The following TSC22D2 variants were observed in gnomAD, a reference collection of about 807,000 sequenced individuals.
TSC22D2 encodes TSC22 domain family member 2, also known as TSC22 domain family protein 2.
TSC22D2 carries 5 observed loss-of-function variants against 50.1 expected under a neutral mutation model. The ratio of observed to expected loss-of-function variants is 0.10; its 90% CI spans 0.05 to 0.21. The LOEUF is 0.21. Among genes scored for constraint, TSC22D2 ranks in the 10% least tolerant of loss-of-function variants. The pLI is 1.00. For missense variants in TSC22D2, 1,003 were observed against 1,015.5 expected (o/e 0.99, Z 0.17); for synonymous variants, 501 against 450.1 (o/e 1.11, Z -1.43).
At chr3:150,431,907 AAT>A (rs1030411666) in intron 1 of TSC22D2, among the ~76,000 whole-genome samples, 5 of 152,158 alleles carry the variant, frequency 3.3e-5, no homozygotes, top group African/African-American at 7.2e-5. Context: ...AGTTGGAAAA[AAT>A]AGTGTAATTT....
rs982964595 is a variant in TSC22D2 at position 150,463,737 on chromosome 3, C to T, written c.*5101C>T. 2.6e-5 allele frequency: 4 copies of T among 152,154 alleles called. No individual in the cohort carries two copies. The highest frequency in any genetic ancestry group is 2.0e-4 in the Admixed American group (3 of 15,274). 9.4% of individuals were successfully genotyped at this position (152,154 alleles called of 1,614,324 possible). The stretch of plus-strand genomic sequence containing the variant: ...CAGACATTCTTGCTTGCCCACCACC[C>T]CCCCGAACCCCGCCATGGAATCATC... On this transcript the variant is annotated 3_prime_UTR_variant, in exon 3 of 3. Transcript: ENST00000688009.
Position 150,410,084 on chromosome 3 carries a change from C to A in TSC22D2, c.734C>A (p.Ser245Tyr), listed in dbSNP as rs1719460601. ...AHGPESGTDS[S>Y]LTAVSQLPPS... ...GGGCCCGAGTCGGGAACTGACAGCT[C>A]CTTGACTGCTGTGTCACAGCTACCC... The change falls in exon 1 of 3, where the codon TCC (serine) becomes TAC (tyrosine). Residue 245 changes from serine to tyrosine, a missense_variant. Physicochemically the swap from Ser to Tyr is moderately radical, Grantham distance 144. Transcript: ENST00000688009. 1.2e-6 allele frequency: 2 copies of A among 1,612,850 alleles called. No homozygotes were observed. The highest frequency in any genetic ancestry group is 2.7e-5 in the African/African-American group (2 of 74,940).
rs1217653732 is a variant in TSC22D2, at chr3:150,461,756, CTG to C, written c.*3121_*3122del. 1 of 151,908 alleles carries C rather than the reference CTG, an allele frequency of 6.6e-6. No individual in the cohort carries two copies. Among genetic ancestry groups the C allele is most frequent in the Non-Finnish European group, 1.5e-5 (1 of 67,986 alleles). 9.4% of individuals were successfully genotyped at this position (151,908 alleles called of 1,614,324 possible). ...CGTTTTATAATCAAGCCTCCAGTGA[CTG>C]GGGATCACAGCTGCCATTATTCACA... On this transcript the variant is annotated 3_prime_UTR_variant, in exon 3 of 3. Transcript: ENST00000688009.
At chr3:150,424,795 A>G (rs950690748) in intron 1 of TSC22D2, among the ~76,000 whole-genome samples, 2 of 152,214 alleles carry the variant, frequency 1.3e-5, no homozygotes, top group Non-Finnish European at 2.9e-5. Context: ...ATATAATAAA[A>G]TCAAAATATA....
chr3:150,445,510 T>G (rs143895410), intron 1 of TSC22D2, among the ~76,000 whole-genome samples: 1 of 152,194 alleles, frequency 6.6e-6, no homozygotes, highest in African/African-American at 2.4e-5. Context: ...TAAAACCTGT[T>G]TCTTAATACT....
intron 1 of TSC22D2, among the ~76,000 whole-genome samples, chr3:150,426,750 A>G (rs1720204783): frequency 6.6e-6 from 1 of 152,176 alleles, no homozygotes; most frequent in South Asian, 2.1e-4. Context: ...AGAAGTTAAT[A>G]AGGAAAGTAG....
intron 1 of TSC22D2, among the ~76,000 whole-genome samples, chr3:150,453,733 A>G (rs977509122): frequency 1.3e-5 from 2 of 152,252 alleles, no homozygotes; most frequent in African/African-American, 4.8e-5. Context: ...CCTTCCTCAT[A>G]TGAACCATTA....
intron 1 of TSC22D2, 192 bp from the exon 2 acceptor site, chr3:150,456,884 A>T: frequency 1.7e-6 from 1 of 573,146 alleles, no homozygotes; most frequent in South Asian, 2.2e-5. Context: ...GACCTGTAGA[A>T]ATCATCTATT....
At chr3:150,435,813 C>T (rs993869736) in intron 1 of TSC22D2, among the ~76,000 whole-genome samples, 1 of 152,062 alleles carries the variant, frequency 6.6e-6, no homozygotes, top group Non-Finnish European at 1.5e-5. Flanking sequence ...AATATAGTTT[C>T]ACCTTCTCAC....
intron 1 of TSC22D2, among the ~76,000 whole-genome samples, chr3:150,429,803 AT>A (rs1400565758): frequency 1.3e-5 from 2 of 152,138 alleles, no homozygotes; most frequent in Non-Finnish European, 1.5e-5. Context: ...TTTGTCCCCA[AT>A]TATAGTTACT....
intron 1 of TSC22D2, among the ~76,000 whole-genome samples, chr3:150,440,671 A>ATTC (rs1720686112): frequency 1.9e-5 from 1 of 52,644 alleles, no homozygotes; most frequent in Non-Finnish European, 3.6e-5. Flanking sequence ...GTTGCGAATA[A>ATTC]TTCTGAGAAA....
At chr3:150,457,948 AT>A (rs962370145) in intron 2 of TSC22D2, among the ~76,000 whole-genome samples, 16 of 152,160 alleles carry the variant, frequency 1.1e-4, no homozygotes, top group African/African-American at 3.9e-4. Context: ...GTCTCAAACT[AT>A]TTTTTTAAAA....
At position 150,464,899 on chromosome 3, in the gene TSC22D2, G is replaced by A. The variant is rs1228765928; in HGVS notation, c.*6263G>A. The A allele has an allele frequency of 6.6e-6, 1 of 152,148 alleles. No homozygotes were observed. The highest frequency in any genetic ancestry group is 6.5e-5 in the Admixed American group (1 of 15,272). The allele number at this position is 152,148 out of a possible 1,614,324, so 9.4% of individuals were successfully genotyped here. On this transcript the variant is annotated 3_prime_UTR_variant, in exon 3 of 3. Transcript: ENST00000688009. ...AAGTTAACTAGAATAGGATTCATGTGTCATGAATTATATTGTCTATTGTCT... is the reference window on the plus strand; with the variant it reads ...AAGTTAACTAGAATAGGATTCATGTATCATGAATTATATTGTCTATTGTCT...
At chr3:150,446,874 G>A (rs1159971101) in intron 1 of TSC22D2, among the ~76,000 whole-genome samples, 1 of 152,152 alleles carries the variant, frequency 6.6e-6, no homozygotes, top group African/African-American at 2.4e-5. Flanking sequence ...TTCTAGTCAC[G>A]AAATCCCAGT....
At chr3:150,432,069 G>A (rs1720399225) in intron 1 of TSC22D2, among the ~76,000 whole-genome samples, 1 of 152,062 alleles carries the variant, frequency 6.6e-6, no homozygotes, top group African/African-American at 2.4e-5. Flanking sequence ...CTCATTATTC[G>A]AAGTGGTGTT....
intron 1 of TSC22D2, among the ~76,000 whole-genome samples, chr3:150,412,663 C>G (rs1365526664): frequency 6.6e-6 from 1 of 152,078 alleles, no homozygotes; most frequent in African/African-American, 2.4e-5. Flanking sequence ...TTAGAGAATA[C>G]CACGTGTCCA....
At position 150,410,339 on chromosome 3, in the gene TSC22D2, C is replaced by T. The variant is rs1234177643; in HGVS notation, c.989C>T (p.Thr330Ile). ...GGQTLPPTNV[T>I]LAQPAMSLPP... Reference sequence around the variant, plus strand: ...CAGACTCTGCCGCCGACGAATGTAACCCTGGCGCAGCCGGCTATGTCCCTG... The same window carrying T: ...CAGACTCTGCCGCCGACGAATGTAATCCTGGCGCAGCCGGCTATGTCCCTG... Residue 330 changes from threonine to isoleucine, a missense_variant, in exon 1 of 3, where the codon ACC (threonine) becomes ATC (isoleucine). Coordinates refer to ENST00000688009, the MANE Select transcript of TSC22D2 (RefSeq NM_001303264.2). The T allele has an allele frequency of 1.9e-6, 3 of 1,591,106 alleles. No individual in the cohort carries two copies. Among genetic ancestry groups the T allele is most frequent in the African/African-American group, 1.3e-5 (1 of 74,318 alleles).
chr3:150,417,161 A>G (rs75150613), intron 1 of TSC22D2, among the ~76,000 whole-genome samples: 14,114 of 152,158 alleles, frequency 0.093, 862 homozygotes, highest in South Asian at 0.29. Flanking sequence ...AATTTGTCTA[A>G]AGAATATTGC....
intron 1 of TSC22D2, among the ~76,000 whole-genome samples, chr3:150,450,851 G>C (rs979503662): frequency 2.0e-5 from 3 of 152,032 alleles, no homozygotes; most frequent in African/African-American, 4.8e-5. Flanking sequence ...GCATTTGTTA[G>C]AGAATAGGCA....
Sources: allele counts gnomAD v4.1 joint callset (sites outside exome capture counted in the v4.1 genomes callset), GRCh38; gene constraint gnomAD v4.1.1; transcripts MANE v1.5; gene names NCBI Gene and HGNC (gene_info 2026-07-23, HGNC 2026-07-21).